Variants in PTCH1 observed in about 807,000 individuals in gnomAD.
PTCH1 encodes protein patched homolog 1.
Under a neutral mutation model 144.6 loss-of-function variants are expected in PTCH1, and 14 were observed. The observed-to-expected ratio is 0.10, with a 90% CI of 0.06 to 0.15. The LOEUF is 0.15. Ranked by LOEUF, PTCH1 falls within the 10% of genes least tolerant of loss-of-function variation. The probability of loss-of-function intolerance (pLI) is 1.00; values close to 1 mark genes in which losing one functional copy is unlikely to be tolerated. For synonymous variants in PTCH1, 833 were observed against 793.6 expected, an observed-to-expected ratio of 1.05 and a Z score of -0.83; for missense variants, 1,623 against 1,948.3, an observed-to-expected ratio of 0.83 and a Z score of 3.14.
chr9:95,463,006 C>G (rs997434673), intron 15 of PTCH1, among the ~76,000 whole-genome samples: 3 of 151,188 alleles, frequency 2.0e-5, no homozygotes, highest in Non-Finnish European at 4.4e-5. Context: ...CCCCACCCAC[C>G]CTTGCCCCTC....
rs1220749812 is a variant in PTCH1 at position 95,467,163 on chromosome 9, T to G, written c.2513A>C (p.Lys838Thr). 1.2e-6 allele frequency: 2 copies of G among 1,614,138 alleles called. No homozygotes were observed. The highest frequency in any genetic ancestry group is 1.7e-5 in the Admixed American group (1 of 60,012). Residue 838 changes from lysine (K) to threonine (T), a missense_variant, in exon 15 of 24, where the codon AAA (lysine) becomes ACA (threonine). Around this residue, in one of 7 missense-constraint regions of PTCH1, gnomAD observed 504 missense variants for 679.3 expected, o/e 0.74. Transcript: ENST00000331920. The stretch of plus-strand genomic sequence containing the variant: ...GTGCAGCCACATTTTGGGAAGCTGT[T>G]TGTTTTCTTCCAACATGACATACTT... ...NVKYVMLEEN[K>T]QLPKMWLHYF...
At chr9:95,483,408 A>AG (rs1246554038) in intron 3 of PTCH1, 1 of 146,104 alleles carries the variant, frequency 6.8e-6, no homozygotes, top group Non-Finnish European at 1.5e-5. Flanking sequence ...GTCCAAGGGA[A>AG]GGAAAAAAAA....
intron 2 of PTCH1, among the ~76,000 whole-genome samples, chr9:95,505,171 C>T (rs1377977527): frequency 1.3e-5 from 2 of 152,044 alleles, no homozygotes; most frequent in East Asian, 1.9e-4. Flanking sequence ...TGAATCTTCA[C>T]AAACAAGGAG....
At chr9:95,475,669 G>A (rs1840969392) in intron 12 of PTCH1, among the ~76,000 whole-genome samples, 1 of 152,188 alleles carries the variant, frequency 6.6e-6, no homozygotes, top group African/African-American at 2.4e-5. Flanking sequence ...CAGGTACTGG[G>A]AGTGGTGTTT....
At chr9:95,471,599 C>T (rs1461716620) in intron 12 of PTCH1, among the ~76,000 whole-genome samples, 6 of 152,228 alleles carry the variant, frequency 3.9e-5, no homozygotes, top group Admixed American at 3.9e-4. Flanking sequence ...TCTCAATTCT[C>T]ACAGAGCCAG....
rs563704782 is a variant in PTCH1, at chr9:95,453,363, C to T, written c.3449+115G>A. The T allele has an allele frequency of 2.7e-6, 4 of 1,505,566 alleles. No homozygotes were observed. The South Asian group carries it at 4.5e-5, about 17-fold the overall frequency. The allele number at this position is 1,505,566 out of a possible 1,614,324, so 93.3% of individuals were successfully genotyped here. On this transcript the variant is annotated intron_variant, in intron 20 of 23. Transcript: ENST00000331920. The stretch of plus-strand genomic sequence containing the variant: ...CCAGGCTGGTCTTGAACTCCTTGAC[C>T]TTCTGATCCACCCGCCTCGGCCTCC...
intron 1 of PTCH1, 88 bp from the exon 2 acceptor site, chr9:95,506,687 C>CCGCTTGCGCGCA: frequency 7.9e-7 from 1 of 1,268,292 alleles, no homozygotes; most frequent in Non-Finnish European, 1.0e-6. Context: ...CCCGGTGAGC[C>CCGCTTGCGCGCA]CCCAACAGCC....
In PTCH1 at chr9:95,508,706, G is replaced by C. The variant is rs1331727829; in HGVS notation, c.-345C>G. The C allele has an allele frequency of 8.3e-5, 82 of 986,784 alleles. No individual in the cohort carries two copies. Among genetic ancestry groups the C allele is most frequent in the Non-Finnish European group, 9.4e-5 (78 of 831,054 alleles). The allele number at this position is 986,784 out of a possible 1,614,324, so 61.1% of individuals were successfully genotyped here. A position where few individuals can be genotyped will look rare whatever the true frequency, so the allele number is the denominator to read the frequency against. ...CGCGCCGAGCGAGCCTGTCCTTCGG[G>C]CGCTTCCGCGGCACTCCTTGCGGTC... On this transcript the variant is annotated 5_prime_UTR_variant, in exon 1 of 24. Transcript: ENST00000331920.
At chr9:95,455,935 C>T (rs1248169077) in intron 19 of PTCH1, among the ~76,000 whole-genome samples, 2 of 152,232 alleles carry the variant, frequency 1.3e-5, no homozygotes, top group Admixed American at 1.3e-4. Flanking sequence ...ACCACATAAT[C>T]CGCCTTATGA....
chr9:95,459,815 G>A (rs781110611), intron 16 of PTCH1, 32 bp from the exon 17 acceptor site: 1 of 1,611,024 alleles, frequency 6.2e-7, no homozygotes, highest in Non-Finnish European at 8.5e-7. Flanking sequence ...AGGCCTTTGA[G>A]AATGGGGTTG....
intron 1 of PTCH1, 52 bp from the exon 2 acceptor site, chr9:95,506,651 C>T (rs1401589075): frequency 6.7e-7 from 1 of 1,489,640 alleles, no homozygotes; most frequent in Non-Finnish European, 8.9e-7. Context: ...GCGGCCCGCG[C>T]GCCCACGCCC....
Position 95,449,762 on chromosome 9 carries a change from A to G in PTCH1, c.3549+79T>C, listed in dbSNP as rs543699976. On this transcript the variant is annotated intron_variant, in intron 21 of 23. Coordinates refer to ENST00000331920, the MANE Select transcript of PTCH1 (RefSeq NM_000264.5). This position sits in a 1 kb window ranked among gnomAD's most constrained non-coding sequence, Gnocchi z 5.3. The stretch of plus-strand genomic sequence containing the variant: ...CCACCAGCAAGTGGGGAGGCACCTA[A>G]GTATCGAAGTGAAGAGCGGCACAGG... The G allele has an allele frequency of 7.7e-7, 1 of 1,305,000 alleles. No individual in the cohort carries two copies. Among genetic ancestry groups the G allele is most frequent in the East Asian group, 2.4e-5 (1 of 42,028 alleles). The allele number at this position is 1,305,000 out of a possible 1,614,324, so 80.8% of individuals were successfully genotyped here. A position where few individuals can be genotyped will look rare whatever the true frequency, so the allele number is the denominator to read the frequency against.
At chr9:95,456,238 T>C (rs1252825286) in intron 19 of PTCH1, 38 bp downstream of exon 19, 50 of 1,610,732 alleles carry the variant, frequency 3.1e-5, no homozygotes, top group Non-Finnish European at 4.2e-5. Flanking sequence ...AAATGGGTTG[T>C]TTTTTCACAA....
intron 2 of PTCH1, among the ~76,000 whole-genome samples, chr9:95,488,633 G>C (rs541824041): frequency 2.8e-4 from 43 of 152,208 alleles, no homozygotes; most frequent in African/African-American, 9.9e-4. Flanking sequence ...TGGGTACTTT[G>C]ACCAGGCAGT....
chr9:95,449,491 C>A lies in PTCH1; in HGVS notation c.3550-168G>T. Reference sequence around the variant, plus strand: ...TCTACCACCTGGAGGACCTTCAGGTCCCGCAGCTGGAGCAGAAGAACTGTC... The same window carrying A: ...TCTACCACCTGGAGGACCTTCAGGTACCGCAGCTGGAGCAGAAGAACTGTC... On this transcript the variant is annotated intron_variant, in intron 21 of 23. Transcript: ENST00000331920. This position sits in a 1 kb window ranked among gnomAD's most constrained non-coding sequence, Gnocchi z 5.3. The A allele has an allele frequency of 1.1e-6, 1 of 931,438 alleles. No individual in the cohort carries two copies. The highest frequency in any genetic ancestry group is 1.6e-6 in the Non-Finnish European group (1 of 611,278). The allele number at this position is 931,438 out of a possible 1,614,324, so 57.7% of individuals were successfully genotyped here. A position where few individuals can be genotyped will look rare whatever the true frequency, so the allele number is the denominator to read the frequency against.
chr9:95,486,753 A>C (rs1196308778), intron 2 of PTCH1, among the ~76,000 whole-genome samples: 5 of 152,198 alleles, frequency 3.3e-5, no homozygotes, highest in Non-Finnish European at 7.3e-5. Flanking sequence ...TCCTTTTTAC[A>C]TCCTTAGGCC....
chr9:95,504,078 A>C lies in PTCH1; in HGVS notation c.394+2329T>G, dbSNP rs1280650407. On this transcript the variant is annotated intron_variant, in intron 2 of 23. Coordinates refer to ENST00000331920, the MANE Select transcript of PTCH1 (RefSeq NM_000264.5). ...AAAAAAAAAAAAGATAATAATAGCT[A>C]TTTTATTGAATCGTAAGGCATGCGA... 2.3e-5 allele frequency among the ~76,000 whole-genome samples: 3 copies of C among 130,680 alleles called. No homozygotes were observed. In the Admixed American group the frequency reaches 2.7e-4, roughly 12 times the overall value. The allele number at this position is 130,680 out of a possible 152,430, so 85.7% of individuals were successfully genotyped here. A position where few individuals can be genotyped will look rare whatever the true frequency, so the allele number is the denominator to read the frequency against.
Position 95,467,183 on chromosome 9 carries a change from A to G in PTCH1, c.2493T>C (p.Tyr831=). 1 of 1,614,254 alleles carries G rather than the reference A, an allele frequency of 6.2e-7. No individual in the cohort carries two copies. The highest frequency in any genetic ancestry group is 8.5e-7 in the Non-Finnish European group (1 of 1,180,044). ...DLHRSFSNVK[Y]VMLEENKQLP... ...GCTGTTTGTTTTCTTCCAACATGACATACTTCACGTTACTGAAACTCCTGT... is the reference window on the plus strand; with the variant it reads ...GCTGTTTGTTTTCTTCCAACATGACGTACTTCACGTTACTGAAACTCCTGT... The change falls in exon 15 of 24, where the codon TAT becomes TAC. Residue 831 remains tyrosine (Y), a synonymous_variant. Transcript: ENST00000331920.
chr9:95,447,119 G>A lies in PTCH1; in HGVS notation c.4137C>T (p.Val1379=), dbSNP rs149091602. The change falls in exon 23 of 24, where the codon GTC becomes GTT. Residue 1379 remains valine (V), a synonymous_variant. Coordinates refer to ENST00000331920, the MANE Select transcript of PTCH1 (RefSeq NM_000264.5). ...CAGGGACAGGCGGCGGGTGCACGGC[G>A]ACAGTCACGGAGGCAGAAGCCGTCA... ...TTVTASASVT[V]AVHPPPVPGP... 3.5e-5 allele frequency: 57 copies of A among 1,613,242 alleles called. No homozygotes were observed. Among genetic ancestry groups the A allele is most frequent in the African/African-American group, 8.0e-5 (6 of 74,942 alleles).
Sources: allele counts gnomAD v4.1 joint callset (sites outside exome capture counted in the v4.1 genomes callset), GRCh38; gene constraint gnomAD v4.1.1; regional missense constraint gnomAD v4.1.1; non-coding constraint Gnocchi (gnomAD v3.1); transcripts MANE v1.5; gene names NCBI Gene and HGNC (gene_info 2026-07-23, HGNC 2026-07-21).